The following ABCB5 variants were observed in gnomAD, a reference collection of about 807,000 sequenced individuals.
ABCB5 encodes ATP-binding cassette sub-family B member 5.
A neutral mutation model predicts 144.2 loss-of-function variants in ABCB5; 155 were observed. The ratio of observed to expected loss-of-function variants is 1.08; its 90% CI spans 0.94 to 1.23. ABCB5 has a LOEUF of 1.23. Among genes scored for constraint, ABCB5 ranks in the 50% most tolerant of loss-of-function variants. The pLI, the probability that ABCB5 is intolerant of heterozygous loss-of-function variation, is 0.00. For missense variants in ABCB5, 1,830 were observed against 1,520.8 expected (o/e 1.20, Z -3.38); for synonymous variants, 610 against 528.6 (o/e 1.15, Z -2.11).
chr7:20,665,731 A>ATAGG (rs1785157622), intron 14 of ABCB5, among the ~76,000 whole-genome samples: 1 of 134,226 alleles, frequency 7.5e-6, no homozygotes, highest in Admixed American at 7.8e-5. Flanking sequence ...GGAAAGATAG[A>ATAGG]TAGATAGATA....
intron 24 of ABCB5, among the ~76,000 whole-genome samples, chr7:20,741,198 T>A (rs891226846): frequency 2.0e-5 from 3 of 152,116 alleles, no homozygotes; most frequent in Non-Finnish European, 4.4e-5. Context: ...TTATTAAATT[T>A]TTCTCTCTAT....
At chr7:20,713,865 G>C (rs185720311) in intron 20 of ABCB5, among the ~76,000 whole-genome samples, 4 of 131,980 alleles carry the variant, frequency 3.0e-5, no homozygotes, top group Admixed American at 2.2e-4. Flanking sequence ...CAGATATCTC[G>C]ATTTATCATT....
chr7:20,677,272 A>G (rs556163705), intron 14 of ABCB5, among the ~76,000 whole-genome samples: 2 of 152,352 alleles, frequency 1.3e-5, no homozygotes, highest in South Asian at 2.1e-4. Context: ...AAGCACAGGT[A>G]GGGCTGCTAG....
intron 16 of ABCB5, among the ~76,000 whole-genome samples, chr7:20,695,846 CA>C (rs996791844): frequency 2.5e-4 from 37 of 146,808 alleles, no homozygotes; most frequent in African/African-American, 7.7e-4. Context: ...TTCAGAAATG[CA>C]AAAAAAAAAT....
At chr7:20,747,155 T>A (rs1031898219) in intron 26 of ABCB5, among the ~76,000 whole-genome samples, 2 of 152,276 alleles carry the variant, frequency 1.3e-5, no homozygotes, top group Admixed American at 1.3e-4. Flanking sequence ...AACTTCCTTT[T>A]TAACCATGAC....
At chr7:20,657,614 G>T (rs1583401404) in intron 13 of ABCB5, among the ~76,000 whole-genome samples, 1 of 152,146 alleles carries the variant, frequency 6.6e-6, no homozygotes, top group Non-Finnish European at 1.5e-5. Flanking sequence ...CTGCAGGCAT[G>T]GTATGGGTTT....
In ABCB5 at chr7:20,756,578, G is replaced by A. The variant is rs753765075; in HGVS notation, c.*954G>A. Reference sequence around the variant, plus strand: ...GAATCATTTGAACCTAGGAGGCAGAGGTTGCAGTGAGCCGAGATCTCACCA... The same window carrying A: ...GAATCATTTGAACCTAGGAGGCAGAAGTTGCAGTGAGCCGAGATCTCACCA... On this transcript the variant is annotated 3_prime_UTR_variant, in exon 28 of 28. Transcript: ENST00000404938. 8 of 150,778 alleles carry A rather than the reference G, an allele frequency of 5.3e-5. No individual in the cohort carries two copies. Among genetic ancestry groups the A allele is most frequent in the African/African-American group, 2.0e-4 (8 of 40,890 alleles). The allele number at this position is 150,778 out of a possible 1,614,324, so 9.3% of individuals were successfully genotyped here.
rs575920673 is a variant in ABCB5 at position 20,676,482 on chromosome 7, T to A, written c.1708-5023T>A. ...CTGAATGACATTATGCTAAGTGAAATAAGCCAGTCGCAGAAGGACAAATAC... is the reference window on the plus strand; with the variant it reads ...CTGAATGACATTATGCTAAGTGAAAAAAGCCAGTCGCAGAAGGACAAATAC... On this transcript the variant is annotated intron_variant, in intron 14 of 27. Coordinates refer to ENST00000404938, the MANE Select transcript of ABCB5 (RefSeq NM_001163941.2). Among the ~76,000 whole-genome samples, 3 of 152,212 alleles carry A rather than the reference T, an allele frequency of 2.0e-5. No individual in the cohort carries two copies. The East Asian group carries it at 5.8e-4, about 29-fold the overall frequency.
At chr7:20,692,989 T>C (rs927216751) in intron 16 of ABCB5, among the ~76,000 whole-genome samples, 7 of 152,186 alleles carry the variant, frequency 4.6e-5, no homozygotes, top group African/African-American at 1.7e-4. Context: ...GGCAGAAACA[T>C]AGATGACTTT....
chr7:20,656,769 G>GA (rs1784806233), intron 13 of ABCB5, among the ~76,000 whole-genome samples: 1 of 152,004 alleles, frequency 6.6e-6, no homozygotes, highest in Non-Finnish European at 1.5e-5. Context: ...CAAAATAAAT[G>GA]AAAACATGAC....
At chr7:20,673,381 G>C (rs577121219) in intron 14 of ABCB5, among the ~76,000 whole-genome samples, 1 of 152,056 alleles carries the variant, frequency 6.6e-6, no homozygotes, top group Admixed American at 6.5e-5. Flanking sequence ...AACTATTACT[G>C]TAACTTTTAG....
At chr7:20,690,929 C>G (rs2128041371) in intron 16 of ABCB5, among the ~76,000 whole-genome samples, 1 of 152,240 alleles carries the variant, frequency 6.6e-6, no homozygotes, top group East Asian at 1.9e-4. Flanking sequence ...TAGAGATTTT[C>G]ACTTTCAACC....
intron 23 of ABCB5, among the ~76,000 whole-genome samples, chr7:20,730,566 T>G (rs62453386): frequency 0.11 from 16,004 of 152,242 alleles, 942 homozygotes; most frequent in Non-Finnish European, 0.13. Flanking sequence ...TATGTTCTCC[T>G]AGCCTCTAAA....
At chr7:20,626,412 A>G (rs1783910118) in intron 2 of ABCB5, 145 bp from the exon 3 acceptor site, 1 of 624,420 alleles carries the variant, frequency 1.6e-6, no homozygotes, top group Non-Finnish European at 2.7e-6. Context: ...ACAACTGTCT[A>G]TCATTAAGTT....
At chr7:20,698,706 C>T (rs1318758842) in intron 17 of ABCB5, among the ~76,000 whole-genome samples, 156 bp downstream of exon 17, 1 of 152,150 alleles carries the variant, frequency 6.6e-6, no homozygotes, top group Non-Finnish European at 1.5e-5. Flanking sequence ...AATTAATGTT[C>T]CCAGGAGATA....
At chr7:20,752,104 T>C (rs1457773186) in intron 26 of ABCB5, among the ~76,000 whole-genome samples, 1 of 152,222 alleles carries the variant, frequency 6.6e-6, no homozygotes, top group Non-Finnish European at 1.5e-5. Flanking sequence ...CTCAAGCTTC[T>C]CTAGATTACC....
chr7:20,703,944 A>G (rs1180520082), intron 19 of ABCB5, among the ~76,000 whole-genome samples: 8 of 152,028 alleles, frequency 5.3e-5, no homozygotes, highest in Non-Finnish European at 1.0e-4. Context: ...AAGTTCTAGG[A>G]GGTAATGTGA....
intron 2 of ABCB5, among the ~76,000 whole-genome samples, chr7:20,624,337 G>A (rs1002415111): frequency 2.0e-5 from 3 of 152,120 alleles, no homozygotes; most frequent in Non-Finnish European, 4.4e-5. Context: ...ACATAAACTT[G>A]GGTTGTTTTA....
chr7:20,633,926 T>C (rs1784094122), intron 5 of ABCB5, among the ~76,000 whole-genome samples: 1 of 152,078 alleles, frequency 6.6e-6, no homozygotes, highest in African/African-American at 2.4e-5. Context: ...CATGGATATA[T>C]TGCATAGTGG....
Sources: gnomAD v4.1 joint callset for allele counts (sites outside exome capture counted in the v4.1 genomes callset) on GRCh38, gnomAD v4.1.1 for gene constraint, MANE v1.5 for transcripts, NCBI Gene and HGNC (gene_info 2026-07-23, HGNC 2026-07-21) for gene names.